DNMBP: variants seen among roughly 807,000 people sequenced by gnomAD.
The protein encoded by DNMBP is dynamin-binding protein.
Under a neutral mutation model 150.0 loss-of-function variants are expected in DNMBP, and 87 were observed. That is an observed-to-expected ratio of 0.58 (90% CI 0.49 to 0.69). DNMBP has a LOEUF of 0.69. DNMBP is among the 30% of genes least tolerant of loss of function. DNMBP has a pLI of 0.00. For missense variants in DNMBP, 1,774 were observed against 1,949.0 expected (o/e 0.91, Z 1.69); for synonymous variants, 711 against 750.4 (o/e 0.95, Z 0.86).
chr10:99,889,030 A>T (rs574627791), intron 11 of DNMBP, 77 bp from the exon 12 acceptor site: 7 of 1,512,746 alleles, frequency 4.6e-6, no homozygotes, highest in Non-Finnish European at 6.3e-6. Flanking sequence ...AAGACTGAAT[A>T]GCAGTCTTGG....
intron 4 of DNMBP, among the ~76,000 whole-genome samples, chr10:99,943,041 G>A (rs1325829225): frequency 6.6e-6 from 1 of 152,076 alleles, no homozygotes; most frequent in African/African-American, 2.4e-5. Flanking sequence ...CCAGCACTTT[G>A]GGAGGCTGAG....
intron 4 of DNMBP, among the ~76,000 whole-genome samples, chr10:99,946,622 A>C (rs2040359981): frequency 6.6e-6 from 1 of 152,190 alleles, no homozygotes; most frequent in Non-Finnish European, 1.5e-5. Context: ...GATGGATTAA[A>C]GACTTACATG....
chr10:99,885,351 A>T (rs2039440047), intron 14 of DNMBP, among the ~76,000 whole-genome samples: 1 of 152,122 alleles, frequency 6.6e-6, no homozygotes, highest in Non-Finnish European at 1.5e-5. Context: ...TCTACTAAAA[A>T]ATAGAAAAAT....
At chr10:99,951,311 C>A (rs2040420222) in intron 4 of DNMBP, among the ~76,000 whole-genome samples, 1 of 152,208 alleles carries the variant, frequency 6.6e-6, no homozygotes. Context: ...TCTGCTGGGG[C>A]AGTGCAGAAG....
chr10:100,007,595 C>T (rs1434549848), intron 1 of DNMBP, among the ~76,000 whole-genome samples: 1 of 152,010 alleles, frequency 6.6e-6, no homozygotes, highest in Non-Finnish European at 1.5e-5. Flanking sequence ...TTGGTGGTCA[C>T]GTCCTTCAGT....
intron 1 of DNMBP, among the ~76,000 whole-genome samples, chr10:100,001,655 C>T (rs1278008553): frequency 2.6e-5 from 4 of 152,070 alleles, no homozygotes; most frequent in Admixed American, 2.6e-4. Context: ...TCAAGTGATC[C>T]GCCCGCCTTG....
At chr10:99,994,831 T>C (rs2040934200) in intron 1 of DNMBP, among the ~76,000 whole-genome samples, 2 of 152,192 alleles carry the variant, frequency 1.3e-5, no homozygotes, top group Non-Finnish European at 2.9e-5. Flanking sequence ...TCTTTGGGGC[T>C]CCTGCAATAG....
chr10:100,005,274 G>C (rs539516676), intron 1 of DNMBP, among the ~76,000 whole-genome samples: 1 of 152,270 alleles, frequency 6.6e-6, no homozygotes, highest in East Asian at 1.9e-4. Flanking sequence ...GCTTTGTAAG[G>C]AGACATGTAG....
At chr10:99,897,750 T>TA (rs1490326305) in intron 9 of DNMBP, among the ~76,000 whole-genome samples, 1 of 151,976 alleles carries the variant, frequency 6.6e-6, no homozygotes, top group African/African-American at 2.4e-5. Context: ...CTGTCTCTAC[T>TA]AAAAATACAA....
At chr10:99,941,954 GTCTCTTCTGTCTAT>G (rs2040306065) in intron 4 of DNMBP, among the ~76,000 whole-genome samples, 1 of 152,162 alleles carries the variant, frequency 6.6e-6, no homozygotes, top group African/African-American at 2.4e-5. Flanking sequence ...TCTGCCCTGT[GTCTCTTCTGTCTAT>G]TCTCTTCTGT....
At chr10:99,908,589 A>ACC (rs2039855450) in intron 5 of DNMBP, among the ~76,000 whole-genome samples, 1 of 152,190 alleles carries the variant, frequency 6.6e-6, no homozygotes, top group Admixed American at 6.5e-5. Context: ...TAAACTCTAT[A>ACC]TGAACAGGTA....
chr10:99,986,382 CATG>C (rs927123635), intron 1 of DNMBP, among the ~76,000 whole-genome samples: 8 of 151,824 alleles, frequency 5.3e-5, no homozygotes, highest in African/African-American at 1.7e-4. Context: ...ACAGTATTTC[CATG>C]ATATGTTCTG....
At chr10:99,929,581 T>G in intron 4 of DNMBP, 1 of 634,208 alleles carries the variant, frequency 1.6e-6, no homozygotes, top group South Asian at 1.8e-5. Context: ...TTATGCTTTA[T>G]CTTAAGAAGG....
chr10:99,896,145 G>T, intron 10 of DNMBP, 122 bp downstream of exon 10: 1 of 1,158,342 alleles, frequency 8.6e-7, no homozygotes, highest in Non-Finnish European at 1.2e-6. Flanking sequence ...GTCTCCACCA[G>T]CTCGTAAAAC....
intron 12 of DNMBP, 56 bp from the exon 13 acceptor site, chr10:99,886,688 T>G (rs1047268370): frequency 1.3e-6 from 2 of 1,527,194 alleles, no homozygotes. Context: ...CATTTGTGAT[T>G]ATCCAAGTCA....
intron 4 of DNMBP, 96 bp downstream of exon 4, chr10:99,955,118 C>T: frequency 3.9e-6 from 4 of 1,015,996 alleles, no homozygotes; most frequent in Admixed American, 2.3e-5. Flanking sequence ...TTTTGTCCAT[C>T]GAGGATGGTA....
Position 99,956,520 on chromosome 10 carries a change from G to A in DNMBP, c.954C>T (p.Ala318=). The A allele has an allele frequency of 6.2e-7, 1 of 1,614,078 alleles. No homozygotes were observed. Among genetic ancestry groups the A allele is most frequent in the African/African-American group, 1.3e-5 (1 of 74,994 alleles). The part of the protein sequence containing the change: ...TMALPQEGSL[A]RIPETSLDCL... ...AATCCAAAGAAGTTTCCGGGATCCT[G>A]GCAAGGCTGCCTTCCTGGGGCAGAG... Residue 318 remains alanine (A), a synonymous_variant, in exon 4 of 17, where the codon GCC becomes GCT. Coordinates refer to ENST00000324109, the MANE Select transcript of DNMBP (RefSeq NM_015221.4).
rs190526418 is a variant in DNMBP, at chr10:99,900,500, A to C, written c.2555-434T>G. ...AGGCTCATGTATTTGTTTTAGAACA[A>C]ACACACACACACACAATGTGACTGG... On this transcript the variant is annotated intron_variant, in intron 6 of 16. Transcript: ENST00000324109. Among the ~76,000 whole-genome samples the C allele has an allele frequency of 5.2e-3, 795 of 151,808 alleles. 4 individuals carry two copies. The highest frequency in any genetic ancestry group is 0.01 in the Middle Eastern group (3 of 294).
chr10:99,990,702 CAT>C (rs961876636), intron 1 of DNMBP, among the ~76,000 whole-genome samples: 1 of 149,706 alleles, frequency 6.7e-6, no homozygotes, highest in African/African-American at 2.5e-5. Context: ...TATACACACA[CAT>C]ATATACACAC....
Sources: allele counts gnomAD v4.1 joint callset (sites outside exome capture counted in the v4.1 genomes callset), GRCh38; gene constraint gnomAD v4.1.1; transcripts MANE v1.5; gene names NCBI Gene and HGNC (gene_info 2026-07-23, HGNC 2026-07-21).